NUGGC: variants seen among roughly 807,000 people sequenced by gnomAD.
The protein encoded by NUGGC is nuclear GTPase, germinal center associated.
In NUGGC, 58 loss-of-function variants were observed where a neutral mutation model predicts 92.6. The observed-to-expected ratio is 0.63, with a 90% CI of 0.51 to 0.78. NUGGC has a LOEUF of 0.78. NUGGC is among the 30% of genes least tolerant of loss of function. NUGGC has a pLI of 0.00. For missense variants in NUGGC, 925 were observed against 964.6 expected, an observed-to-expected ratio of 0.96 and a Z score of 0.54; for synonymous variants, 376 against 366.4, an observed-to-expected ratio of 1.03 and a Z score of -0.30.
intron 5 of NUGGC, among the ~76,000 whole-genome samples, 153 bp downstream of exon 5, chr8:28,068,063 G>T (rs984989523): frequency 1.3e-5 from 2 of 149,572 alleles, no homozygotes; most frequent in African/African-American, 4.9e-5. Context: ...AGAAAGAAAA[G>T]GAAGAAAAAA....
At chr8:28,080,573 A>C (rs773532029) in intron 1 of NUGGC, among the ~76,000 whole-genome samples, 6 of 152,224 alleles carry the variant, frequency 3.9e-5, no homozygotes, top group Non-Finnish European at 7.3e-5. Context: ...TATGGGAAGT[A>C]CTTGGTACAC....
chr8:28,023,482 T>C lies in NUGGC; in HGVS notation c.2246-20A>G. 1 of 1,607,918 alleles carries C rather than the reference T, an allele frequency of 6.2e-7. No homozygotes were observed. The highest frequency in any genetic ancestry group is 8.5e-7 in the Non-Finnish European group (1 of 1,176,646). On this transcript the variant is annotated intron_variant, in intron 18 of 18. Transcript: ENST00000413272. Reference sequence around the variant, plus strand: ...CGACATCTACAGGAGAGCAGAAAGCTCACATCAGGACTTGGTGTCCGTTGC... The same window carrying C: ...CGACATCTACAGGAGAGCAGAAAGCCCACATCAGGACTTGGTGTCCGTTGC...
At position 28,045,464 on chromosome 8, in the gene NUGGC, T is replaced by TTA. The variant is rs1167895817; in HGVS notation, c.1446+62_1446+63insTA. ...AAATATCATAAGTTAATTTTCTAAC[T>TTA]TGGTAAAAGGAAATGTCCTGCCCAG... On this transcript the variant is annotated intron_variant, in intron 12 of 18. Transcript: ENST00000413272. The TTA allele has an allele frequency of 1.9e-5, 28 of 1,492,690 alleles. No individual in the cohort carries two copies. In the African/African-American group the frequency reaches 3.5e-4, roughly 19 times the overall value. The allele number at this position is 1,492,690 out of a possible 1,614,324, so 92.5% of individuals were successfully genotyped here. A position where few individuals can be genotyped will look rare whatever the true frequency, so the allele number is the denominator to read the frequency against.
intron 18 of NUGGC, among the ~76,000 whole-genome samples, chr8:28,026,120 T>C (rs560098781): frequency 1.3e-5 from 2 of 152,346 alleles, no homozygotes; most frequent in South Asian, 4.1e-4. Context: ...TGCTTTATTT[T>C]TTCTAACAGT....
chr8:28,037,049 G>A (rs566518947), intron 13 of NUGGC, among the ~76,000 whole-genome samples: 2 of 152,166 alleles, frequency 1.3e-5, no homozygotes, highest in African/African-American at 2.4e-5. Context: ...CATACAGCTC[G>A]CTCATGCCCA....
At position 28,045,586 on chromosome 8, in the gene NUGGC, T is replaced by C; in HGVS notation, c.1387A>G (p.Thr463Ala). The C allele has an allele frequency of 6.2e-7, 1 of 1,613,120 alleles. No homozygotes were observed. Among genetic ancestry groups the C allele is most frequent in the African/African-American group, 1.3e-5 (1 of 75,016 alleles). ...AGGAGCAACAGGCCAAAGGCTTCAG[T>C]CACATACTTGGTCACTGTCCTCTTC... is the stretch of plus-strand genomic sequence containing the variant. ...KKKRTVTKYV[T>A]EAFGLLLLTD... Residue 463 changes from threonine (T) to alanine (A), a missense_variant, in exon 12 of 19, where the codon ACT becomes GCT. Thr to Ala is a moderately conservative substitution (Grantham distance 58). Transcript: ENST00000413272.
chr8:28,029,637 T>C (rs2130074277), intron 16 of NUGGC, among the ~76,000 whole-genome samples: 1 of 152,140 alleles, frequency 6.6e-6, no homozygotes, highest in East Asian at 1.9e-4. Flanking sequence ...TAATCCCACC[T>C]ACTTAGAAGG....
At chr8:28,042,465 G>T (rs1397357784) in intron 12 of NUGGC, among the ~76,000 whole-genome samples, 1 of 152,168 alleles carries the variant, frequency 6.6e-6, no homozygotes, top group Non-Finnish European at 1.5e-5. Flanking sequence ...TCAATCTTGT[G>T]CCCTCTGGGC....
intron 10 of NUGGC, among the ~76,000 whole-genome samples, chr8:28,049,300 T>G (rs1809928815): frequency 6.6e-6 from 1 of 152,162 alleles, no homozygotes. Context: ...TGCTGAGATT[T>G]TGCTTTGATT....
At chr8:28,062,962 C>G (rs1371247284) in intron 7 of NUGGC, among the ~76,000 whole-genome samples, 1 of 152,126 alleles carries the variant, frequency 6.6e-6, no homozygotes, top group Non-Finnish European at 1.5e-5. Context: ...GATGAGGTGG[C>G]ACCCCACCAC....
At chr8:28,024,396 G>A (rs1809202731) in intron 18 of NUGGC, among the ~76,000 whole-genome samples, 1 of 151,898 alleles carries the variant, frequency 6.6e-6, no homozygotes, top group South Asian at 2.1e-4. Flanking sequence ...GGTTCTGCAG[G>A]GATGGCCTCT....
chr8:28,077,394 CAA>C (rs11291704), intron 1 of NUGGC, among the ~76,000 whole-genome samples: 183 of 133,388 alleles, frequency 1.4e-3, no homozygotes, highest in Middle Eastern at 3.9e-3. Flanking sequence ...TTGACACTAC[CAA>C]AAAAAAAAAA....
chr8:28,064,475 T>A, intron 7 of NUGGC, 47 bp downstream of exon 7: 3 of 1,467,746 alleles, frequency 2.0e-6, no homozygotes, highest in Non-Finnish European at 2.9e-6. Flanking sequence ...TGAGAAAGGG[T>A]AGAGGAGTTT....
At chr8:28,031,193 A>G in intron 15 of NUGGC, 50 bp downstream of exon 15, 1 of 1,607,818 alleles carries the variant, frequency 6.2e-7, no homozygotes, top group Non-Finnish European at 8.5e-7. Context: ...TGGCCTGGGA[A>G]GAAAGCCATG....
intron 1 of NUGGC, among the ~76,000 whole-genome samples, chr8:28,075,194 C>T (rs989768958): frequency 6.6e-5 from 10 of 152,234 alleles, no homozygotes; most frequent in Middle Eastern, 3.4e-3. Context: ...CTTTGGGGGG[C>T]TGCTGACTGG....
chr8:28,052,139 A>ATAAC (rs1254208435), intron 10 of NUGGC, among the ~76,000 whole-genome samples: 1 of 152,186 alleles, frequency 6.6e-6, no homozygotes, highest in Non-Finnish European at 1.5e-5. Context: ...ACTCAAATCC[A>ATAAC]TAACTACATT....
At chr8:28,076,462 G>A (rs1218839148) in intron 1 of NUGGC, among the ~76,000 whole-genome samples, 2 of 152,060 alleles carry the variant, frequency 1.3e-5, no homozygotes, top group Non-Finnish European at 2.9e-5. Flanking sequence ...ATCATGCCTG[G>A]CTAATTACAA....
intron 12 of NUGGC, among the ~76,000 whole-genome samples, chr8:28,044,051 A>G (rs1291601166): frequency 6.6e-6 from 1 of 152,118 alleles, no homozygotes; most frequent in African/African-American, 2.4e-5. Context: ...GACTTTTTAC[A>G]AGCATTTATA....
intron 18 of NUGGC, 60 bp downstream of exon 18, chr8:28,026,902 G>C: frequency 8.6e-7 from 1 of 1,163,300 alleles, no homozygotes; most frequent in Non-Finnish European, 1.3e-6. Context: ...TCAGGAAGGA[G>C]TAACCACAGC....
Sources: gnomAD v4.1 joint callset for allele counts (sites outside exome capture counted in the v4.1 genomes callset) on GRCh38, gnomAD v4.1.1 for gene constraint, MANE v1.5 for transcripts, NCBI Gene and HGNC (gene_info 2026-07-23, HGNC 2026-07-21) for gene names.